ZMYND8: variants seen among roughly 807,000 people sequenced by gnomAD.
The protein encoded by ZMYND8 is MYND-type zinc finger-containing chromatin reader ZMYND8.
A neutral mutation model predicts 140.8 loss-of-function variants in ZMYND8; 37 were observed. The ratio of observed to expected loss-of-function variants is 0.26; its 90% CI spans 0.20 to 0.35. The LOEUF (loss-of-function observed/expected upper bound fraction) is 0.35, where lower values mean the gene tolerates loss of function less well. Among genes scored for constraint, ZMYND8 ranks in the 10% least tolerant of loss-of-function variants. The pLI, the probability that ZMYND8 is intolerant of heterozygous loss-of-function variation, is 1.00. For synonymous variants in ZMYND8, 592 were observed against 597.1 expected (o/e 0.99, Z 0.12); for missense variants, 1,068 against 1,570.0 (o/e 0.68, Z 5.40).
In ZMYND8 at chr20:47,265,053, C is replaced by T. The variant is rs3084707; in HGVS notation, c.1481-2625G>A. Among the ~76,000 whole-genome samples the T allele has an allele frequency of 5.2e-3, 594 of 114,110 alleles. 6 individuals are homozygous for T. Among genetic ancestry groups the T allele is most frequent in the African/African-American group, 0.015 (553 of 37,036 alleles). 74.9% of individuals were successfully genotyped at this position (114,110 alleles called of 152,430 possible). A position where few individuals can be genotyped will look rare whatever the true frequency, so the allele number is the denominator to read the frequency against. ...CCCTGTCCCCAAAAAAATATATATA[C>T]ATATATATATATATAGGCATTTTAA... On this transcript the variant is annotated intron_variant, in intron 11 of 22. Transcript: ENST00000471951.
At chr20:47,248,994 C>T (rs1368756866) in intron 13 of ZMYND8, among the ~76,000 whole-genome samples, 1 of 152,110 alleles carries the variant, frequency 6.6e-6, no homozygotes, top group Non-Finnish European at 1.5e-5. Flanking sequence ...AGAGGCAAAA[C>T]TCAGAGGATC....
rs11411701 is a variant in ZMYND8, at chr20:47,288,392, C to CTTT, written c.749-1111_749-1109dup. Among the ~76,000 whole-genome samples, 916 of 123,256 alleles carry CTTT rather than the reference C, an allele frequency of 7.4e-3. 32 individuals are homozygous for CTTT. The highest frequency in any genetic ancestry group is 0.02 in the African/African-American group (655 of 32,048). 80.9% of individuals were successfully genotyped at this position (123,256 alleles called of 152,430 possible). ...TGAGTTTATAATCTTTACACCAATT[C>CTTT]TTTTTTTTTTTTTTTTTTGAGATGG... On this transcript the variant is annotated intron_variant, in intron 7 of 22. Coordinates refer to ENST00000471951, the MANE Select transcript of ZMYND8 (RefSeq NM_001281775.3).
chr20:47,289,788 A>G (rs1462572263), intron 7 of ZMYND8, among the ~76,000 whole-genome samples: 1 of 152,244 alleles, frequency 6.6e-6, no homozygotes, highest in Non-Finnish European at 1.5e-5. Flanking sequence ...CAAAGCAGAA[A>G]GTGGTTCCTG....
At chr20:47,268,638 G>C (rs6066259) in intron 11 of ZMYND8, among the ~76,000 whole-genome samples, 2 of 151,270 alleles carry the variant, frequency 1.3e-5, no homozygotes, top group Admixed American at 1.3e-4. Flanking sequence ...GCAGTCAGGC[G>C]TGGTGGTACA....
rs976874160 is a variant in ZMYND8, at chr20:47,249,550, G to A, written c.1622-111C>T. ...ACACATTTTAGAACATGGGGGAGGGGGAGATACTTTTTTTGTCATTCATCC... is the reference window on the plus strand; with the variant it reads ...ACACATTTTAGAACATGGGGGAGGGAGAGATACTTTTTTTGTCATTCATCC... On this transcript the variant is annotated intron_variant, in intron 12 of 22. Coordinates refer to ENST00000471951, the MANE Select transcript of ZMYND8 (RefSeq NM_001281775.3). 4.2e-6 allele frequency: 6 copies of A among 1,437,428 alleles called. No individual in the cohort carries two copies. The East Asian group carries it at 1.4e-4, about 33-fold the overall frequency. 89.0% of individuals were successfully genotyped at this position (1,437,428 alleles called of 1,614,324 possible). A position where few individuals can be genotyped will look rare whatever the true frequency, so the allele number is the denominator to read the frequency against.
At chr20:47,316,852 G>A (rs2079442368) in intron 2 of ZMYND8, among the ~76,000 whole-genome samples, 1 of 151,888 alleles carries the variant, frequency 6.6e-6, no homozygotes, top group Non-Finnish European at 1.5e-5. Flanking sequence ...TGATATTCTA[G>A]GCAATGTTCA....
At chr20:47,350,497 A>G (rs2082698692) in intron 1 of ZMYND8, among the ~76,000 whole-genome samples, 1 of 151,692 alleles carries the variant, frequency 6.6e-6, no homozygotes, top group African/African-American at 2.4e-5. Context: ...GTTAAGAACT[A>G]GTATGTTATT....
rs2077533510 is a variant in ZMYND8, at chr20:47,294,762, T to C, written c.471A>G (p.Glu157=). Residue 157 remains glutamate, a synonymous_variant, in exon 5 of 23, where the codon GAA becomes GAG. Transcript: ENST00000471951. ...CPECEKITVA[E]CIETQSKAMT... ...TGGCTTTACTCTGGGTCTCGATGCATTCTGCTACTGTAATTTTCTACAAAG... is the reference window on the plus strand; with the variant it reads ...TGGCTTTACTCTGGGTCTCGATGCACTCTGCTACTGTAATTTTCTACAAAG... 3.7e-6 allele frequency: 6 copies of C among 1,614,170 alleles called. No individual in the cohort carries two copies. Among genetic ancestry groups the C allele is most frequent in the Non-Finnish European group, 5.1e-6 (6 of 1,179,996 alleles).
At chr20:47,231,824 G>A (rs1380809355) in intron 16 of ZMYND8, among the ~76,000 whole-genome samples, 1 of 152,138 alleles carries the variant, frequency 6.6e-6, no homozygotes, top group African/African-American at 2.4e-5. Context: ...TTAAAAAGTG[G>A]GTGAAATTCA....
At position 47,299,818 on chromosome 20, in the gene ZMYND8, G is replaced by A. The variant is rs576530469; in HGVS notation, c.235-871C>T. Among the ~76,000 whole-genome samples, 6 of 152,182 alleles carry A rather than the reference G, an allele frequency of 3.9e-5. No individual in the cohort carries two copies. In the East Asian group the frequency reaches 7.7e-4, roughly 20 times the overall value. On this transcript the variant is annotated intron_variant, in intron 3 of 22. Transcript: ENST00000471951. ...AGGCTGGTCTCAATCTCCTGACCTC[G>A]TGATCTGCCCACCTCGGCCTCCCAA...
chr20:47,298,328 G>A lies in ZMYND8; in HGVS notation c.453+401C>T. The A allele has an allele frequency of 1.0e-6, 1 of 985,390 alleles. No individual in the cohort carries two copies. Among genetic ancestry groups the A allele is most frequent in the Non-Finnish European group, 1.2e-6 (1 of 829,938 alleles). 61.0% of individuals were successfully genotyped at this position (985,390 alleles called of 1,614,324 possible). On this transcript the variant is annotated intron_variant, in intron 4 of 22. Coordinates refer to ENST00000471951, the MANE Select transcript of ZMYND8 (RefSeq NM_001281775.3). The surrounding 1 kb of genome is among the most constrained non-coding windows in gnomAD (Gnocchi z 5.0). ...CAACCAAACGTGGTCTTCTCAGCTTGGCTACTGCTGATGATTCAATGATGC... is the reference window on the plus strand; with the variant it reads ...CAACCAAACGTGGTCTTCTCAGCTTAGCTACTGCTGATGATTCAATGATGC...
chr20:47,274,462 AAAAGC>A (rs1488422249), intron 11 of ZMYND8, among the ~76,000 whole-genome samples: 6 of 152,218 alleles, frequency 3.9e-5, no homozygotes, highest in African/African-American at 1.2e-4. Flanking sequence ...ACATTTCCTG[AAAAGC>A]ATGCTCTTTA....
chr20:47,334,912 C>T (rs1037756860), intron 2 of ZMYND8, among the ~76,000 whole-genome samples: 4 of 151,760 alleles, frequency 2.6e-5, no homozygotes, highest in Non-Finnish European at 5.9e-5. Context: ...ACCCGGTCTC[C>T]GTGAAAATAT....
At chr20:47,349,820 G>A (rs1296927998) in intron 1 of ZMYND8, 3 of 1,533,460 alleles carry the variant, frequency 2.0e-6, no homozygotes, top group Non-Finnish European at 2.6e-6. Context: ...CTACAGTGGT[G>A]AGGGAAACAA....
chr20:47,257,102 C>G (rs750598925), intron 12 of ZMYND8, among the ~76,000 whole-genome samples: 1 of 152,268 alleles, frequency 6.6e-6, no homozygotes, highest in Admixed American at 6.5e-5. Flanking sequence ...CTGAGTCATA[C>G]AGGGGGCTCG....
At chr20:47,284,264 C>G (rs1209454889) in intron 8 of ZMYND8, among the ~76,000 whole-genome samples, 1 of 152,060 alleles carries the variant, frequency 6.6e-6, no homozygotes, top group African/African-American at 2.4e-5. Context: ...CTTGTCCTTC[C>G]CCTGCTTAAA....
At chr20:47,212,889 C>T (rs2035489266) in intron 21 of ZMYND8, among the ~76,000 whole-genome samples, 164 bp from the exon 22 acceptor site, 1 of 152,162 alleles carries the variant, frequency 6.6e-6, no homozygotes, top group Non-Finnish European at 1.5e-5. Context: ...GCACAGGAGA[C>T]TAAGTCTCTT....
intron 2 of ZMYND8, among the ~76,000 whole-genome samples, chr20:47,315,811 C>G (rs542880382): frequency 6.6e-5 from 10 of 152,118 alleles, no homozygotes; most frequent in Non-Finnish European, 1.5e-4. Flanking sequence ...GGACCTGTGA[C>G]CCCGCCCGGC....
At chr20:47,301,575 C>T (rs2078051138) in intron 3 of ZMYND8, among the ~76,000 whole-genome samples, 1 of 151,814 alleles carries the variant, frequency 6.6e-6, no homozygotes, top group African/African-American at 2.4e-5. Flanking sequence ...TTTCAGCATG[C>T]CATTGCACAC....
Sources: allele counts gnomAD v4.1 joint callset (sites outside exome capture counted in the v4.1 genomes callset), GRCh38; gene constraint gnomAD v4.1.1; non-coding constraint Gnocchi (gnomAD v3.1); transcripts MANE v1.5; gene names NCBI Gene and HGNC (gene_info 2026-07-23, HGNC 2026-07-21).